NRG1: variants seen among roughly 807,000 people sequenced by gnomAD.
NRG1 encodes the protein neuregulin 1.
NRG1 carries 18 observed loss-of-function variants against 63.8 expected under a neutral mutation model. The ratio of observed to expected loss-of-function variants is 0.28; its 90% CI spans 0.19 to 0.42. The LOEUF is 0.42. Among genes scored for constraint, NRG1 ranks in the 10% least tolerant of loss-of-function variants. NRG1 has a pLI of 1.00. For synonymous variants in NRG1, 302 were observed against 301.3 expected, an observed-to-expected ratio of 1.00 and a Z score of -0.02; for missense variants, 762 against 814.7, an observed-to-expected ratio of 0.94 and a Z score of 0.79.
At chr8:31,900,781 C>G (rs999835038) in intron 1 of NRG1, among the ~76,000 whole-genome samples, 1 of 152,174 alleles carries the variant, frequency 6.6e-6, no homozygotes, top group Admixed American at 6.5e-5. Context: ...TTTTTAATCA[C>G]TTTCTATAGC....
At chr8:32,392,174 G>A (rs759611003) in intron 1 of NRG1, among the ~76,000 whole-genome samples, 13 of 152,178 alleles carry the variant, frequency 8.5e-5, no homozygotes, top group Non-Finnish European at 1.3e-4. Context: ...ACTATGATTA[G>A]ATGCCACCAA....
intron 1 of NRG1, among the ~76,000 whole-genome samples, chr8:32,018,121 T>G (rs1157944339): frequency 6.6e-6 from 1 of 152,222 alleles, no homozygotes; most frequent in African/African-American, 2.4e-5. Flanking sequence ...ACCAGATACA[T>G]GTTTTATAAT....
At chr8:32,386,387 T>C (rs900984730) in intron 1 of NRG1, among the ~76,000 whole-genome samples, 4 of 152,224 alleles carry the variant, frequency 2.6e-5, no homozygotes, top group African/African-American at 9.6e-5. Flanking sequence ...CCGTTGCCTC[T>C]GTTTCTGTCT....
intron 1 of NRG1, chr8:32,026,392 C>T (rs1440210699): frequency 2.6e-5 from 4 of 151,866 alleles, no homozygotes; most frequent in African/African-American, 4.8e-5. Context: ...TTATTTTTTC[C>T]CCCAAGAAGG....
chr8:32,019,961 T>C (rs1217030370), intron 1 of NRG1, among the ~76,000 whole-genome samples: 1 of 152,198 alleles, frequency 6.6e-6, no homozygotes, highest in African/African-American at 2.4e-5. Context: ...ATTGTCTTTG[T>C]TATTGTACAT....
At chr8:32,592,382 G>C (rs1842682433) in intron 1 of NRG1, among the ~76,000 whole-genome samples, 1 of 152,022 alleles carries the variant, frequency 6.6e-6, no homozygotes, top group African/African-American at 2.4e-5. Flanking sequence ...GATCCAATCA[G>C]TAGCTCCACA....
chr8:32,175,686 T>C (rs1840641466), intron 1 of NRG1, among the ~76,000 whole-genome samples: 1 of 152,074 alleles, frequency 6.6e-6, no homozygotes, highest in Non-Finnish European at 1.5e-5. Context: ...TATCCACCCA[T>C]AACAGACAAA....
intron 1 of NRG1, among the ~76,000 whole-genome samples, chr8:32,529,008 C>T (rs556302561): frequency 9.2e-5 from 14 of 152,292 alleles, no homozygotes; most frequent in African/African-American, 3.4e-4. Flanking sequence ...AATGTGGCTA[C>T]GTTCTGAGAA....
chr8:32,255,611 C>A (rs1849609257), intron 1 of NRG1, among the ~76,000 whole-genome samples: 1 of 152,214 alleles, frequency 6.6e-6, no homozygotes, highest in South Asian at 2.1e-4. Context: ...TTGTGGGCAA[C>A]TTGACCTTTC....
chr8:31,861,291 T>C (rs1330106660), intron 1 of NRG1, among the ~76,000 whole-genome samples: 1 of 152,162 alleles, frequency 6.6e-6, no homozygotes, highest in Middle Eastern at 3.2e-3. Flanking sequence ...TGTTATCTCA[T>C]TCAGATTAAG....
chr8:31,731,417 TACACACACACACAC>T (rs139927733), intron 1 of NRG1, among the ~76,000 whole-genome samples: 1 of 148,312 alleles, frequency 6.7e-6, no homozygotes, highest in Non-Finnish European at 1.5e-5. Context: ...AATTATGTCA[TACACACACACACAC>T]ACACACACAC....
intron 1 of NRG1, among the ~76,000 whole-genome samples, chr8:32,289,976 C>A (rs944239752): frequency 6.6e-6 from 1 of 152,152 alleles, no homozygotes; most frequent in Non-Finnish European, 1.5e-5. Context: ...CACAGTGGCT[C>A]ATGCCTGTAA....
At chr8:31,855,099 G>A (rs931995494) in intron 1 of NRG1, among the ~76,000 whole-genome samples, 2 of 152,022 alleles carry the variant, frequency 1.3e-5, no homozygotes, top group African/African-American at 4.8e-5. Flanking sequence ...TTGATTTGGG[G>A]TGGAGAGTTC....
At chr8:31,722,722 A>G (rs1475529479) in intron 1 of NRG1, among the ~76,000 whole-genome samples, 1 of 152,164 alleles carries the variant, frequency 6.6e-6, no homozygotes, top group Non-Finnish European at 1.5e-5. Context: ...ACATAGAGTA[A>G]AAGAGTTAAC....
chr8:32,693,496 G>A (rs1241825384), intron 5 of NRG1, among the ~76,000 whole-genome samples: 4 of 150,150 alleles, frequency 2.7e-5, no homozygotes, highest in South Asian at 2.1e-4. Context: ...GATTACAGGC[G>A]TGAGCCACCA....
At chr8:31,986,542 G>A (rs1810101778) in intron 1 of NRG1, among the ~76,000 whole-genome samples, 1 of 152,052 alleles carries the variant, frequency 6.6e-6, no homozygotes, top group East Asian at 1.9e-4. Flanking sequence ...CAAAGTTATT[G>A]GAGACAATGG....
chr8:32,292,194 A>G (rs1423406413), intron 1 of NRG1, among the ~76,000 whole-genome samples: 3 of 152,212 alleles, frequency 2.0e-5, no homozygotes, highest in South Asian at 2.1e-4. Context: ...TATTTTAATA[A>G]TATCTATATA....
At chr8:32,614,602 ATG>A in intron 4 of NRG1, 38 bp downstream of exon 4, 2 of 1,596,908 alleles carry the variant, frequency 1.3e-6, no homozygotes, top group Non-Finnish European at 1.7e-6. Flanking sequence ...ACTAACCAGA[ATG>A]ACAACCATAA....
At chr8:32,217,029 A>G (rs1845304148) in intron 1 of NRG1, among the ~76,000 whole-genome samples, 1 of 151,944 alleles carries the variant, frequency 6.6e-6, no homozygotes, top group Non-Finnish European at 1.5e-5. Flanking sequence ...CCTGGCCAAC[A>G]TGGTGAAACC....
Sources: allele counts gnomAD v4.1 joint callset (sites outside exome capture counted in the v4.1 genomes callset), GRCh38; gene constraint gnomAD v4.1.1; transcripts MANE v1.5; gene names NCBI Gene and HGNC (gene_info 2026-07-23, HGNC 2026-07-21).